The following TTPA variants were observed in gnomAD, a reference collection of about 807,000 sequenced individuals.
TTPA encodes the protein alpha-tocopherol transfer protein.
A neutral mutation model predicts 25.9 loss-of-function variants in TTPA; 23 were observed. The observed-to-expected ratio is 0.89, with a 90% CI of 0.64 to 1.26. The LOEUF (loss-of-function observed/expected upper bound fraction) is 1.26, where lower values mean the gene tolerates loss of function less well. Among genes scored for constraint, TTPA ranks in the 50% most tolerant of loss-of-function variants. The pLI, the probability that TTPA is intolerant of heterozygous loss-of-function variation, is 0.00. For missense variants in TTPA, 337 were observed against 353.1 expected (o/e 0.95, Z 0.37); for synonymous variants, 148 against 137.3 (o/e 1.08, Z -0.54).
intron 4 of TTPA, among the ~76,000 whole-genome samples, chr8:63,063,974 T>G (rs1805347522): frequency 6.6e-6 from 1 of 152,132 alleles, no homozygotes; most frequent in African/African-American, 2.4e-5. Context: ...ACCAGCAGTG[T>G]ATGAAAAGCC....
chr8:63,080,022 A>C (rs1420815208), intron 1 of TTPA, among the ~76,000 whole-genome samples: 1 of 152,226 alleles, frequency 6.6e-6, no homozygotes, highest in Admixed American at 6.5e-5. Context: ...AAACTCACTC[A>C]AAACCGCACA....
intron 3 of TTPA, 51 bp from the exon 4 acceptor site, chr8:63,064,367 A>C: frequency 2.4e-6 from 3 of 1,254,022 alleles, no homozygotes; most frequent in Non-Finnish European, 2.3e-6. Flanking sequence ...TTACAATCTG[A>C]TACCTAATGT....
chr8:63,073,348 C>T lies in TTPA; in HGVS notation c.205-260G>A, dbSNP rs578100753. Among the ~76,000 whole-genome samples the T allele has an allele frequency of 1.3e-4, 20 of 152,304 alleles. No homozygotes were observed. The East Asian group carries it at 2.1e-3, about 16-fold the overall frequency. Reference sequence around the variant, plus strand: ...ATCCTCCAAAGACAGCCACCAATTCCTCCCCTCCTGATACCCATGCACCAT... The same window carrying T: ...ATCCTCCAAAGACAGCCACCAATTCTTCCCCTCCTGATACCCATGCACCAT... On this transcript the variant is annotated intron_variant, in intron 1 of 4. Coordinates refer to ENST00000260116, the MANE Select transcript of TTPA (RefSeq NM_000370.3).
At chr8:63,075,558 T>C (rs1298762994) in intron 1 of TTPA, among the ~76,000 whole-genome samples, 1 of 151,554 alleles carries the variant, frequency 6.6e-6, no homozygotes, top group Non-Finnish European at 1.5e-5. Context: ...TCTCTAAAAA[T>C]ACAAAAATTA....
chr8:63,076,663 T>C (rs1447093948), intron 1 of TTPA, among the ~76,000 whole-genome samples: 1 of 152,202 alleles, frequency 6.6e-6, no homozygotes, highest in Non-Finnish European at 1.5e-5. Context: ...TATTTAAACA[T>C]TACTTTTTTT....
intron 1 of TTPA, among the ~76,000 whole-genome samples, chr8:63,079,383 G>C (rs7812355): frequency 0.017 from 2,595 of 152,188 alleles, 81 homozygotes; most frequent in African/African-American, 0.06. Context: ...AAGATACAGA[G>C]TGGCAAATTG....
intron 2 of TTPA, among the ~76,000 whole-genome samples, chr8:63,067,742 A>G (rs1805416992): frequency 6.6e-6 from 1 of 152,050 alleles, no homozygotes; most frequent in Non-Finnish European, 1.5e-5. Context: ...CCCAATAGGA[A>G]GTTTTTCAAC....
chr8:63,077,707 C>T (rs116815749), intron 1 of TTPA, among the ~76,000 whole-genome samples: 10,318 of 152,288 alleles, frequency 0.068, 647 homozygotes, highest in African/African-American at 0.16. Flanking sequence ...CTACAGCCTC[C>T]ATAGACTCCA....
intron 2 of TTPA, among the ~76,000 whole-genome samples, chr8:63,066,432 G>A (rs1481840883): frequency 6.6e-6 from 1 of 152,178 alleles, no homozygotes. Context: ...AAATGGAAAA[G>A]CAAGGGCCTG....
intron 1 of TTPA, among the ~76,000 whole-genome samples, chr8:63,082,558 A>G (rs971888064): frequency 5.9e-5 from 9 of 152,222 alleles, no homozygotes; most frequent in African/African-American, 4.8e-5. Context: ...AACCTATGCA[A>G]TACCATTCAG....
rs1805353733 is a variant in TTPA, at chr8:63,064,265, T to C, written c.604A>G (p.Ile202Val). ...ATCATGGAAAAGACAGCATGGAAAA[T>C]TACTGGTTCATTTATCAAATGGATG... is the stretch of plus-strand genomic sequence containing the variant. The part of the protein sequence containing the change: ...RGIHLINEPV[I>V]FHAVFSMIKP... Residue 202 changes from isoleucine (I) to valine (V), a missense_variant, in exon 4 of 5, where the codon ATT becomes GTT. Coordinates refer to ENST00000260116, the MANE Select transcript of TTPA (RefSeq NM_000370.3). The C allele has an allele frequency of 1.2e-6, 2 of 1,613,078 alleles. No homozygotes were observed. Among genetic ancestry groups the C allele is most frequent in the Non-Finnish European group, 1.7e-6 (2 of 1,179,524 alleles).
At chr8:63,084,547 A>C (rs974143304) in intron 1 of TTPA, among the ~76,000 whole-genome samples, 1 of 152,248 alleles carries the variant, frequency 6.6e-6, no homozygotes, top group Admixed American at 6.5e-5. Flanking sequence ...AGATGGATGT[A>C]TACCAGTTGA....
chr8:63,083,872 G>GC (rs140986912), intron 1 of TTPA, among the ~76,000 whole-genome samples: 7,573 of 150,214 alleles, frequency 0.05, 278 homozygotes, highest in African/African-American at 0.1. Flanking sequence ...GAGTTATAGA[G>GC]TTTTTTTTCT....
Position 63,065,818 on chromosome 8 carries a change from C to T in TTPA, c.552+86G>A, listed in dbSNP as rs1482629841. 3 of 1,397,068 alleles carry T rather than the reference C, an allele frequency of 2.1e-6. No homozygotes were observed. In the Admixed American group the frequency reaches 5.5e-5, roughly 26 times the overall value. The allele number at this position is 1,397,068 out of a possible 1,614,324, so 86.5% of individuals were successfully genotyped here. A position where few individuals can be genotyped will look rare whatever the true frequency, so the allele number is the denominator to read the frequency against. On this transcript the variant is annotated intron_variant, in intron 3 of 4. Coordinates refer to ENST00000260116, the MANE Select transcript of TTPA (RefSeq NM_000370.3). ...TGTATTTAAATTTCTAACAAATGTACTTTTGCTTCTCTTTGTCTAACATAT... is the reference window on the plus strand; with the variant it reads ...TGTATTTAAATTTCTAACAAATGTATTTTTGCTTCTCTTTGTCTAACATAT...
intron 1 of TTPA, among the ~76,000 whole-genome samples, chr8:63,081,320 T>C (rs1805660632): frequency 6.6e-6 from 1 of 152,040 alleles, no homozygotes; most frequent in Admixed American, 6.6e-5. Context: ...ATCCCTGGAA[T>C]GCAAGCCTGG....
At position 63,073,077 on chromosome 8, in the gene TTPA, G is replaced by GT. The variant is rs1805508297; in HGVS notation, c.215dup (p.Asn72LysfsTer4). On this transcript the variant is annotated frameshift_variant, in exon 2 of 5. Coordinates refer to ENST00000260116, the MANE Select transcript of TTPA (RefSeq NM_000370.3). LOFTEE classifies it high-confidence loss of function. ...GACATTCTGCTCTCCACTTATAATAGTTTTTTAGTAACTGAAAAATAAAAT... is the reference window on the plus strand; with the variant it reads ...GACATTCTGCTCTCCACTTATAATAGTTTTTTTAGTAACTGAAAAATAAAAT... 6.2e-7 allele frequency: 1 copy of GT among 1,610,144 alleles called. No individual in the cohort carries two copies. The highest frequency in any genetic ancestry group is 8.5e-7 in the Non-Finnish European group (1 of 1,177,348).
Position 63,065,942 on chromosome 8 carries a change from T to A in TTPA, c.514A>T (p.Thr172Ser), listed in dbSNP as rs34647756. ...GCAATCTTCTTGGCTACGGATGGAG[T>A]GATTTGAAAAGCATGAGAAAACTGC... The part of the protein sequence containing the change: ...GWQFSHAFQI[T>S]PSVAKKIAAV... The change falls in exon 3 of 5, where the codon ACT (threonine) becomes TCT (serine). Residue 172 changes from threonine (T) to serine (S), a missense_variant. By Grantham distance (58) the Thr-to-Ser change is moderately conservative. Transcript: ENST00000260116. 1 of 1,613,958 alleles carries A rather than the reference T, an allele frequency of 6.2e-7. No homozygotes were observed. The highest frequency in any genetic ancestry group is 2.2e-5 in the East Asian group (1 of 44,854).
At chr8:63,085,442 C>T (rs528835299) in intron 1 of TTPA, among the ~76,000 whole-genome samples, 1 of 152,346 alleles carries the variant, frequency 6.6e-6, no homozygotes, top group African/African-American at 2.4e-5. Context: ...GAGCTTCCAA[C>T]TTGTAAGCTG....
intron 1 of TTPA, among the ~76,000 whole-genome samples, chr8:63,079,959 C>A (rs946390871): frequency 1.3e-5 from 2 of 152,096 alleles, no homozygotes; most frequent in African/African-American, 4.8e-5. Context: ...AAAGAAATCA[C>A]AACAAACTGT....
Sources: allele counts gnomAD v4.1 joint callset (sites outside exome capture counted in the v4.1 genomes callset), GRCh38; gene constraint gnomAD v4.1.1; transcripts MANE v1.5; gene names NCBI Gene and HGNC (gene_info 2026-07-23, HGNC 2026-07-21).